DCAF6: variants seen among roughly 807,000 people sequenced by gnomAD.
The protein encoded by DCAF6 is DDB1 and CUL4 associated factor 6, also known as DDB1- and CUL4-associated factor 6.
DCAF6 carries 54 observed loss-of-function variants against 125.1 expected under a neutral mutation model. The observed-to-expected ratio is 0.43, with a 90% confidence interval of 0.35 to 0.54. The LOEUF is 0.54. Among genes scored for constraint, DCAF6 ranks in the 20% least tolerant of loss-of-function variants. The pLI, the probability that DCAF6 is intolerant of heterozygous loss-of-function variation, is 0.01. For missense variants in DCAF6, 934 were observed against 1,161.7 expected, an observed-to-expected ratio of 0.80 and a Z score of 2.85; for synonymous variants, 371 against 390.4, an observed-to-expected ratio of 0.95 and a Z score of 0.58.
At chr1:167,994,185 CAG>C (rs1489828576) in intron 7 of DCAF6, among the ~76,000 whole-genome samples, 1 of 151,808 alleles carries the variant, frequency 6.6e-6, no homozygotes, top group Non-Finnish European at 1.5e-5. Flanking sequence ...TTATCCCTAA[CAG>C]TGAATTATTA....
At chr1:167,990,368 GA>G (rs893953370) in intron 5 of DCAF6, among the ~76,000 whole-genome samples, 1 of 149,216 alleles carries the variant, frequency 6.7e-6, no homozygotes, top group Non-Finnish European at 1.5e-5. Context: ...ATCTCAAAAA[GA>G]AAAAAAAATA....
At chr1:167,957,130 TA>T (rs1413052610) in intron 2 of DCAF6, among the ~76,000 whole-genome samples, 1 of 152,140 alleles carries the variant, frequency 6.6e-6, no homozygotes, top group African/African-American at 2.4e-5. Flanking sequence ...TGTGCTCACA[TA>T]CTATAAAACT....
chr1:168,044,002 G>C (rs554162581), intron 14 of DCAF6, among the ~76,000 whole-genome samples: 7 of 152,272 alleles, frequency 4.6e-5, no homozygotes, highest in African/African-American at 1.7e-4. Context: ...AATTTCAGCT[G>C]TAAGGGATAG....
the DCAF6 span, among the ~76,000 whole-genome samples, chr1:167,890,792 T>C: frequency 6.6e-6 from 1 of 152,214 alleles, no homozygotes; most frequent in Non-Finnish European, 1.5e-5. Flanking sequence ...TTTCACATTC[T>C]GTCCTACTCT....
At chr1:168,066,122 C>T (rs1172748983) in intron 19 of DCAF6, among the ~76,000 whole-genome samples, 4 of 152,070 alleles carry the variant, frequency 2.6e-5, no homozygotes, top group Admixed American at 2.0e-4. Flanking sequence ...TGAAATTGCC[C>T]ACATATCTCA....
At position 167,948,525 on chromosome 1, in the gene DCAF6, G is replaced by A. The variant is rs541249120; in HGVS notation, c.98-3275G>A. Among the ~76,000 whole-genome samples, 3 of 152,212 alleles carry A rather than the reference G, an allele frequency of 2.0e-5. No homozygotes were observed. The South Asian group carries it at 6.2e-4, about 32-fold the overall frequency. ...AATAATTCTCAACTAGTCTAGTAAA[G>A]GAGATAGGTATGTGAATAAATAACT... is the stretch of plus-strand genomic sequence containing the variant. On this transcript the variant is annotated intron_variant, in intron 1 of 21. Transcript: ENST00000367840.
chr1:168,059,890 C>T (rs989639422), intron 17 of DCAF6, among the ~76,000 whole-genome samples: 4 of 152,158 alleles, frequency 2.6e-5, no homozygotes, highest in African/African-American at 7.2e-5. Flanking sequence ...TCAAGGGATC[C>T]TCCTGTCTTA....
intron 2 of DCAF6, among the ~76,000 whole-genome samples, chr1:167,952,774 A>G (rs994589646): frequency 1.3e-5 from 2 of 152,128 alleles, no homozygotes; most frequent in Non-Finnish European, 2.9e-5. Flanking sequence ...CAGAGTTTTT[A>G]TATCCAACTT....
At chr1:168,000,895 G>T (rs1282507280) in intron 7 of DCAF6, among the ~76,000 whole-genome samples, 1 of 152,018 alleles carries the variant, frequency 6.6e-6, no homozygotes, top group Non-Finnish European at 1.5e-5. Context: ...GATGAAAACG[G>T]TCTGGAATTA....
intron 13 of DCAF6, among the ~76,000 whole-genome samples, chr1:168,039,930 C>T (rs1688313952): frequency 6.6e-6 from 1 of 151,622 alleles, no homozygotes; most frequent in Admixed American, 6.6e-5. Context: ...GGGGACTATT[C>T]TAGACATTGG....
chr1:167,936,166 T>A (rs906299478), upstream of DCAF6: 2 of 305,026 alleles, frequency 6.6e-6, no homozygotes, highest in African/African-American at 4.5e-5. Context: ...GGCAGCGCGC[T>A]TGCGCAGGCC....
chr1:167,952,293 C>T (rs1189488965), intron 2 of DCAF6, among the ~76,000 whole-genome samples: 3 of 152,102 alleles, frequency 2.0e-5, no homozygotes, highest in Non-Finnish European at 4.4e-5. Context: ...CTCAGCCTCC[C>T]TGCAAGCTCC....
the DCAF6 span, among the ~76,000 whole-genome samples, chr1:167,925,027 G>C: frequency 2.0e-4 from 30 of 152,206 alleles, no homozygotes; most frequent in Admixed American, 5.2e-4. Flanking sequence ...TTAGTATGCA[G>C]GTTTTGAAAA....
intron 10 of DCAF6, among the ~76,000 whole-genome samples, chr1:168,009,415 T>C (rs977150911): frequency 2.4e-5 from 3 of 124,894 alleles, no homozygotes; most frequent in Admixed American, 7.9e-5. Flanking sequence ...CTCTCTCTCT[T>C]TTGTTTCTTT....
rs1014630307 is a variant in DCAF6 at position 167,987,506 on chromosome 1, A to T, written c.450A>T (p.Val150=). Residue 150 remains valine (V), a synonymous_variant, in exon 5 of 22, where the codon GTA becomes GTT. Transcript: ENST00000367840. ...HYGTTYEIMT[V]PNDPYTFLSC... ...CTTTTCATCTTCAGATTATGACTGT[A>T]CCCAATGACCCTTACACTTTTCTCT... 1 of 1,567,888 alleles carries T rather than the reference A, an allele frequency of 6.4e-7. No individual in the cohort carries two copies. The highest frequency in any genetic ancestry group is 8.8e-7 in the Non-Finnish European group (1 of 1,141,402).
chr1:167,878,965 C>T, the DCAF6 span, among the ~76,000 whole-genome samples: 1 of 152,322 alleles, frequency 6.6e-6, no homozygotes, highest in Middle Eastern at 3.4e-3. Flanking sequence ...GTCAGTTGGT[C>T]TTCTGCCACA....
intron 12 of DCAF6, among the ~76,000 whole-genome samples, chr1:168,028,090 A>G (rs1686576125): frequency 6.6e-6 from 1 of 152,138 alleles, no homozygotes; most frequent in Admixed American, 6.5e-5. Context: ...TAAGCACAGT[A>G]ATGTCCATCA....
At chr1:168,026,556 G>GA (rs1227785960) in intron 12 of DCAF6, among the ~76,000 whole-genome samples, 3 of 152,098 alleles carry the variant, frequency 2.0e-5, no homozygotes, top group African/African-American at 7.2e-5. Flanking sequence ...AAAAATAGTT[G>GA]AAAGGTTGAA....
chr1:167,909,369 T>C, the DCAF6 span, among the ~76,000 whole-genome samples: 2 of 152,144 alleles, frequency 1.3e-5, no homozygotes, highest in Non-Finnish European at 2.9e-5. Flanking sequence ...GGTGAAAAGA[T>C]GTATGCATTT....
Sources: gnomAD v4.1 joint callset for allele counts (sites outside exome capture counted in the v4.1 genomes callset) on GRCh38, gnomAD v4.1.1 for gene constraint, MANE v1.5 for transcripts, NCBI Gene and HGNC (gene_info 2026-07-23, HGNC 2026-07-21) for gene names.